CTNNA2: variants seen among roughly 807,000 people sequenced by gnomAD.
CTNNA2 encodes the protein catenin alpha-2.
Under a neutral mutation model 101.0 loss-of-function variants are expected in CTNNA2, and 42 were observed. That is an observed-to-expected ratio of 0.42 (90% CI 0.32 to 0.54). The LOEUF is 0.54. Among genes scored for constraint, CTNNA2 ranks in the 20% least tolerant of loss-of-function variants. The pLI is 0.14. For synonymous variants in CTNNA2, 450 were observed against 456.4 expected (o/e 0.99, Z 0.18); for missense variants, 871 against 1,223.1 (o/e 0.71, Z 4.29).
intron 2 of CTNNA2, among the ~76,000 whole-genome samples, chr2:79,662,088 A>C (rs1354527935): frequency 6.6e-6 from 1 of 151,714 alleles, no homozygotes; most frequent in African/African-American, 2.4e-5. Flanking sequence ...AAGATGGAAC[A>C]GATGTTTAGA....
chr2:80,024,089 A>AG (rs1694770422), intron 7 of CTNNA2, among the ~76,000 whole-genome samples: 1 of 116,542 alleles, frequency 8.6e-6, no homozygotes, highest in Non-Finnish European at 1.9e-5. Flanking sequence ...TCCGTCTCAG[A>AG]AAAAAAAAAA....
intron 2 of CTNNA2, among the ~76,000 whole-genome samples, chr2:79,674,643 A>G (rs1054008523): frequency 6.6e-6 from 1 of 152,202 alleles, no homozygotes; most frequent in African/African-American, 2.4e-5. Flanking sequence ...GTTCTCTAGT[A>G]TGTAGACCGC....
In CTNNA2 at chr2:80,085,535, G is replaced by A. The variant is rs564824702; in HGVS notation, c.1056+175738G>A. Among the ~76,000 whole-genome samples the A allele has an allele frequency of 6.6e-4, 100 of 152,184 alleles. 4 individuals are homozygous for A. The South Asian group carries it at 0.02, about 31-fold the overall frequency. On this transcript the variant is annotated intron_variant, in intron 7 of 18. Coordinates refer to ENST00000402739, the MANE Select transcript of CTNNA2 (RefSeq NM_001282597.3). The stretch of plus-strand genomic sequence containing the variant: ...AAGGCCAATGGTGGTGCACAGTTAT[G>A]TATGCACACCTGTATTCCTGAGGCA...
At chr2:79,296,573 A>G (rs1448682827) in intron 2 of CTNNA2, among the ~76,000 whole-genome samples, 1 of 152,168 alleles carries the variant, frequency 6.6e-6, no homozygotes, top group African/African-American at 2.4e-5. Flanking sequence ...CAGGCACTGT[A>G]GTAGGCACTG....
chr2:79,457,851 C>T lies in CTNNA2; in HGVS notation c.-134-47203C>T, dbSNP rs570020113. The stretch of plus-strand genomic sequence containing the variant: ...CTACCTTCCCCTACCTCTCCTTTTA[C>T]TCTCAACTAGCATTTCATCCCAGGA... On this transcript the variant is annotated intron_variant, in intron 4 of 21. Coordinates refer to the CTNNA2 transcript ENST00000466387. Among the ~76,000 whole-genome samples, 16 of 152,334 alleles carry T rather than the reference C, an allele frequency of 1.1e-4. No individual in the cohort carries two copies. In the South Asian group the frequency reaches 2.7e-3, roughly 26 times the overall value.
At chr2:80,154,646 C>G (rs1048920138) in intron 7 of CTNNA2, among the ~76,000 whole-genome samples, 4 of 152,136 alleles carry the variant, frequency 2.6e-5, no homozygotes, top group Non-Finnish European at 5.9e-5. Context: ...TGCTGAGAAA[C>G]TACCTAATCC....
chr2:79,576,730 T>C (rs1459677067), intron 1 of CTNNA2, among the ~76,000 whole-genome samples: 8 of 152,164 alleles, frequency 5.3e-5, no homozygotes, highest in Non-Finnish European at 7.4e-5. Context: ...TGTGAAATAC[T>C]TAGAACAATT....
Position 79,757,023 on chromosome 2 carries a change from CAG to C in CTNNA2, c.298+12443_298+12444del, listed in dbSNP as rs556237729. ...TGGCAGTTTCTAAAATAAAACTAAA[CAG>C]ATTTAATTGCCTTATAACTCAGTAA... On this transcript the variant is annotated intron_variant, in intron 3 of 18. Transcript: ENST00000402739. Among the ~76,000 whole-genome samples the C allele has an allele frequency of 5.9e-5, 9 of 152,296 alleles. No homozygotes were observed. The East Asian group carries it at 1.2e-3, about 20-fold the overall frequency.
chr2:80,137,233 G>T (rs1264687923), intron 7 of CTNNA2, among the ~76,000 whole-genome samples: 2 of 152,118 alleles, frequency 1.3e-5, no homozygotes, highest in South Asian at 2.1e-4. Context: ...GTAAAGGAGG[G>T]TTTATTTCAC....
chr2:79,315,551 A>T (rs1395016244), intron 3 of CTNNA2, among the ~76,000 whole-genome samples: 6 of 152,202 alleles, frequency 3.9e-5, no homozygotes, highest in Non-Finnish European at 7.4e-5. Context: ...AGTAAAATCC[A>T]TTCAAGTTTT....
intron 9 of CTNNA2, among the ~76,000 whole-genome samples, chr2:80,453,566 A>G (rs1237961905): frequency 6.6e-6 from 1 of 152,194 alleles, no homozygotes; most frequent in African/African-American, 2.4e-5. Flanking sequence ...AAAGCTGTTA[A>G]AAAAACAAAC....
intron 7 of CTNNA2, among the ~76,000 whole-genome samples, chr2:80,326,228 C>G (rs1286170603): frequency 6.6e-6 from 1 of 152,100 alleles, no homozygotes; most frequent in African/African-American, 2.4e-5. Context: ...TTTACTACCT[C>G]TATATATTTT....
intron 9 of CTNNA2, among the ~76,000 whole-genome samples, chr2:80,449,127 A>G (rs973304601): frequency 6.6e-5 from 10 of 152,076 alleles, no homozygotes; most frequent in Middle Eastern, 3.2e-3. Context: ...AGAAGCAAAA[A>G]TAGGCCAGGT....
chr2:80,021,884 A>T (rs751175044), intron 7 of CTNNA2, among the ~76,000 whole-genome samples: 4 of 148,104 alleles, frequency 2.7e-5, no homozygotes, highest in Admixed American at 1.3e-4. Flanking sequence ...TATGTGCCAT[A>T]TATCCACAAA....
intron 7 of CTNNA2, among the ~76,000 whole-genome samples, chr2:79,979,245 C>T (rs1213824192): frequency 1.3e-5 from 2 of 152,096 alleles, no homozygotes; most frequent in Non-Finnish European, 2.9e-5. Context: ...TATCCAGGTG[C>T]AGTGGTGCCT....
chr2:80,117,716 T>C (rs1364506879), intron 7 of CTNNA2, among the ~76,000 whole-genome samples: 1 of 152,118 alleles, frequency 6.6e-6, no homozygotes, highest in Non-Finnish European at 1.5e-5. Flanking sequence ...ACTGGGGGGA[T>C]TGAATAGGCA....
chr2:79,519,086 A>T (rs1323999172), intron 1 of CTNNA2, among the ~76,000 whole-genome samples: 1 of 151,954 alleles, frequency 6.6e-6, no homozygotes, highest in Non-Finnish European at 1.5e-5. Flanking sequence ...AAAATTAGCC[A>T]GGCATGGTGA....
At chr2:80,541,499 A>T (rs1043550301) in intron 9 of CTNNA2, among the ~76,000 whole-genome samples, 1 of 152,196 alleles carries the variant, frequency 6.6e-6, no homozygotes, top group African/African-American at 2.4e-5. Flanking sequence ...ATAGAGTTTA[A>T]TTTAAACAAA....
At chr2:80,513,516 C>T (rs183893033) in intron 9 of CTNNA2, among the ~76,000 whole-genome samples, 4 of 152,306 alleles carry the variant, frequency 2.6e-5, no homozygotes. Context: ...TCTGTGGCCA[C>T]TATATAGCTT....
Sources: allele counts gnomAD v4.1 joint callset (sites outside exome capture counted in the v4.1 genomes callset), GRCh38; gene constraint gnomAD v4.1.1; transcripts MANE v1.5; gene names NCBI Gene and HGNC (gene_info 2026-07-23, HGNC 2026-07-21).